The following PHACTR1 variants were observed in gnomAD, a reference collection of about 807,000 sequenced individuals.
PHACTR1 encodes RPEL repeat containing 1.
In PHACTR1, 16 loss-of-function variants were observed where a neutral mutation model predicts 69.2. The ratio of observed to expected loss-of-function variants is 0.23; its 90% CI spans 0.16 to 0.35. The LOEUF (loss-of-function observed/expected upper bound fraction) is 0.35. Ranked by LOEUF, PHACTR1 falls within the 10% of genes least tolerant of loss-of-function variation. The pLI is 1.00. For missense variants in PHACTR1, 510 were observed against 734.7 expected (o/e 0.69, Z 3.54); for synonymous variants, 312 against 284.5 (o/e 1.10, Z -0.97).
chr6:13,231,113 GA>G (rs1554167450), intron 10 of PHACTR1, among the ~76,000 whole-genome samples: 6 of 104,958 alleles, frequency 5.7e-5, no homozygotes, highest in African/African-American at 2.4e-4. Flanking sequence ...AAGAAAGAAG[GA>G]AAGAGAGAAA....
intron 5 of PHACTR1, among the ~76,000 whole-genome samples, chr6:13,100,887 A>G (rs1407069264): frequency 6.6e-6 from 1 of 152,186 alleles, no homozygotes; most frequent in African/African-American, 2.4e-5. Context: ...TGCAATTTCA[A>G]TGACTAGCTT....
At chr6:12,726,870 G>A (rs140719773) in intron 3 of PHACTR1, among the ~76,000 whole-genome samples, 2 of 152,236 alleles carry the variant, frequency 1.3e-5, no homozygotes, top group Non-Finnish European at 2.9e-5. Context: ...GTAATATCCT[G>A]TATTTTTGTT....
chr6:12,825,579 T>A (rs1293209962), intron 4 of PHACTR1, among the ~76,000 whole-genome samples: 3 of 152,194 alleles, frequency 2.0e-5, no homozygotes, highest in Non-Finnish European at 4.4e-5. Context: ...ATCAATCTCA[T>A]CATTCTGGTT....
intron 4 of PHACTR1, among the ~76,000 whole-genome samples, chr6:12,814,810 C>A (rs886862688): frequency 5.3e-5 from 8 of 152,178 alleles, no homozygotes; most frequent in African/African-American, 1.9e-4. Context: ...AATCCCCCAC[C>A]ATTAGTGATT....
chr6:12,861,394 C>A (rs913999358), intron 4 of PHACTR1, among the ~76,000 whole-genome samples: 1 of 152,174 alleles, frequency 6.6e-6, no homozygotes, highest in Non-Finnish European at 1.5e-5. Flanking sequence ...AATGCTAACT[C>A]CATAGTCTTC....
chr6:12,926,456 T>C (rs561015925), intron 4 of PHACTR1, among the ~76,000 whole-genome samples: 2 of 152,360 alleles, frequency 1.3e-5, no homozygotes, highest in African/African-American at 4.8e-5. Flanking sequence ...ACATGAATTC[T>C]AGATCCATAT....
chr6:12,854,221 A>C (rs984543649), intron 4 of PHACTR1, among the ~76,000 whole-genome samples: 2 of 152,252 alleles, frequency 1.3e-5, no homozygotes, highest in African/African-American at 4.8e-5. Context: ...TGATTCATTT[A>C]AAATGGAACA....
chr6:12,987,051 A>C (rs1291575631), intron 4 of PHACTR1, among the ~76,000 whole-genome samples: 2 of 152,298 alleles, frequency 1.3e-5, no homozygotes, highest in East Asian at 3.9e-4. Context: ...GAATATATAT[A>C]TCCACACATC....
chr6:13,283,638 G>T lies in PHACTR1; in HGVS notation c.1650+76G>T. The T allele has an allele frequency of 6.2e-7, 1 of 1,603,328 alleles. No individual in the cohort carries two copies. On this transcript the variant is annotated intron_variant, in intron 13 of 14. Transcript: ENST00000332995. This position sits in a 1 kb window ranked among gnomAD's most constrained non-coding sequence, Gnocchi z 4.7. ...CTCGCTGGGCTCACCGCTGGGGAGC[G>T]TGTAGGGAGACCTGCAGCCAGGCCT... is the stretch of plus-strand genomic sequence containing the variant.
intron 7 of PHACTR1, among the ~76,000 whole-genome samples, chr6:13,196,170 A>C (rs1764381354): frequency 6.6e-6 from 1 of 152,216 alleles, no homozygotes; most frequent in Non-Finnish European, 1.5e-5. Context: ...AAAGGCAAGA[A>C]GTAGTGTGTA....
At chr6:12,887,012 C>T (rs1382255251) in intron 4 of PHACTR1, among the ~76,000 whole-genome samples, 4 of 152,040 alleles carry the variant, frequency 2.6e-5, no homozygotes, top group Non-Finnish European at 4.4e-5. Context: ...GGCTCCTCCT[C>T]CCCCTCTTCC....
At chr6:12,897,279 A>T (rs979004398) in intron 4 of PHACTR1, among the ~76,000 whole-genome samples, 2 of 152,188 alleles carry the variant, frequency 1.3e-5, no homozygotes, top group African/African-American at 4.8e-5. Context: ...CTATGTCATT[A>T]AGTCAAATAA....
At chr6:12,961,427 G>T (rs1246211623) in intron 4 of PHACTR1, among the ~76,000 whole-genome samples, 1 of 152,086 alleles carries the variant, frequency 6.6e-6, no homozygotes, top group Non-Finnish European at 1.5e-5. Flanking sequence ...ATGTGCCCTG[G>T]GTAAATCATG....
At chr6:13,075,566 C>G (rs1274417324) in intron 5 of PHACTR1, among the ~76,000 whole-genome samples, 1 of 152,170 alleles carries the variant, frequency 6.6e-6, no homozygotes, top group Admixed American at 6.5e-5. Flanking sequence ...CCTCTTTTCT[C>G]CATGCAGAAT....
chr6:12,916,706 A>G (rs1237494675), intron 4 of PHACTR1, among the ~76,000 whole-genome samples: 1 of 152,182 alleles, frequency 6.6e-6, no homozygotes, highest in Non-Finnish European at 1.5e-5. Flanking sequence ...CATCATTTAG[A>G]TGGTCAGGAT....
At chr6:12,865,816 A>T (rs1332115084) in intron 4 of PHACTR1, among the ~76,000 whole-genome samples, 1 of 151,984 alleles carries the variant, frequency 6.6e-6, no homozygotes, top group Non-Finnish European at 1.5e-5. Context: ...TTGCATGAGG[A>T]GTTTGGTATG....
intron 10 of PHACTR1, among the ~76,000 whole-genome samples, chr6:13,239,986 AAG>A (rs1443638986): frequency 6.6e-6 from 1 of 152,162 alleles, no homozygotes; most frequent in Non-Finnish European, 1.5e-5. Flanking sequence ...GTGGTGGACA[AAG>A]AGCTGCCTTT....
At chr6:12,995,809 A>G (rs1797358364) in intron 4 of PHACTR1, among the ~76,000 whole-genome samples, 1 of 152,024 alleles carries the variant, frequency 6.6e-6, no homozygotes, top group Non-Finnish European at 1.5e-5. Context: ...TTTAAGACAC[A>G]TTTTTTCACA....
intron 4 of PHACTR1, among the ~76,000 whole-genome samples, chr6:13,037,070 A>T (rs1334567711): frequency 6.6e-6 from 1 of 152,156 alleles, no homozygotes; most frequent in Non-Finnish European, 1.5e-5. Flanking sequence ...TTATTATCTT[A>T]TATAGCAAAT....
Sources: gnomAD v4.1 joint callset for allele counts (sites outside exome capture counted in the v4.1 genomes callset) on GRCh38, gnomAD v4.1.1 for gene constraint, Gnocchi (gnomAD v3.1) non-coding constraint, MANE v1.5 for transcripts, NCBI Gene and HGNC (gene_info 2026-07-23, HGNC 2026-07-21) for gene names.